Variants in SLC36A4 observed in about 807,000 individuals in gnomAD.
SLC36A4 encodes neutral amino acid uniporter 4.
Under a neutral mutation model 50.5 loss-of-function variants are expected in SLC36A4, and 49 were observed. That is an observed-to-expected ratio of 0.97 (90% CI 0.77 to 1.23). The LOEUF (loss-of-function observed/expected upper bound fraction) is 1.23. SLC36A4 is among the 50% of genes most tolerant of loss of function. The probability of loss-of-function intolerance (pLI) is 0.00; values close to 1 mark genes in which losing one functional copy is unlikely to be tolerated. For missense variants in SLC36A4, 611 were observed against 608.4 expected, an observed-to-expected ratio of 1.00 and a Z score of -0.05; for synonymous variants, 207 against 206.5, an observed-to-expected ratio of 1.00 and a Z score of -0.02.
rs1862506603 is a variant in SLC36A4 at position 93,197,904 on chromosome 11, C to T, written c.-72G>A. 10 of 1,436,080 alleles carry T rather than the reference C, an allele frequency of 7.0e-6. No individual in the cohort carries two copies. In the South Asian group the frequency reaches 1.3e-4, roughly 19 times the overall value. The allele number at this position is 1,436,080 out of a possible 1,614,324, so 89.0% of individuals were successfully genotyped here. A position where few individuals can be genotyped will look rare whatever the true frequency, so the allele number is the denominator to read the frequency against. ...GCCGCTGCGTGGCCGGCGTCAGGCC[C>T]AGGCCTACCTCCCCTGCCCGGAGGG... On this transcript the variant is annotated 5_prime_UTR_variant, in exon 1 of 11. Coordinates refer to ENST00000326402, the MANE Select transcript of SLC36A4 (RefSeq NM_152313.4).
intron 1 of SLC36A4, among the ~76,000 whole-genome samples, chr11:93,194,296 TG>T (rs1565243081): frequency 6.6e-6 from 1 of 152,102 alleles, no homozygotes; most frequent in Non-Finnish European, 1.5e-5. Flanking sequence ...AAAAATCACT[TG>T]TATTTTGGCA....
Position 93,197,858 on chromosome 11 carries a change from C to A in SLC36A4, c.-26G>T. 1 of 1,533,424 alleles carries A rather than the reference C, an allele frequency of 6.5e-7. No individual in the cohort carries two copies. Among genetic ancestry groups the A allele is most frequent in the South Asian group, 1.2e-5 (1 of 83,948 alleles). 95.0% of individuals were successfully genotyped at this position (1,533,424 alleles called of 1,614,324 possible). The stretch of plus-strand genomic sequence containing the variant: ...CTCTCGCGGGTCTCCAGGACGCCGC[C>A]GCCCGAGTGCTCACTCTCCCGCCGC... On this transcript the variant is annotated 5_prime_UTR_variant, in exon 1 of 11. Transcript: ENST00000326402.
At chr11:93,183,053 A>C (rs1206632678) in intron 3 of SLC36A4, among the ~76,000 whole-genome samples, 159 bp from the exon 4 acceptor site, 1 of 152,224 alleles carries the variant, frequency 6.6e-6, no homozygotes, top group Admixed American at 6.5e-5. Flanking sequence ...TTGATGCAGA[A>C]GGAATTTCGA....
At chr11:93,192,524 G>A (rs1862256212) in intron 1 of SLC36A4, among the ~76,000 whole-genome samples, 3 of 152,220 alleles carry the variant, frequency 2.0e-5, no homozygotes, top group South Asian at 4.1e-4. Context: ...GTAAATTTAC[G>A]TTACACAAAT....
intron 1 of SLC36A4, among the ~76,000 whole-genome samples, chr11:93,190,927 G>GT (rs139262002): frequency 0.021 from 3,123 of 152,246 alleles, 93 homozygotes; most frequent in African/African-American, 0.07. Flanking sequence ...ATGTTTATCT[G>GT]TTAAACTAAG....
chr11:93,187,666 C>G (rs1862047414), intron 1 of SLC36A4, among the ~76,000 whole-genome samples: 1 of 152,202 alleles, frequency 6.6e-6, no homozygotes, highest in South Asian at 2.1e-4. Flanking sequence ...AATCCTAGTT[C>G]AAGAGTGTTC....
At chr11:93,157,667 T>C (rs1590936457) in intron 9 of SLC36A4, among the ~76,000 whole-genome samples, 2 of 152,196 alleles carry the variant, frequency 1.3e-5, no homozygotes, top group African/African-American at 4.8e-5. Flanking sequence ...GGCTCTCAGC[T>C]TGACTGTTAT....
intron 1 of SLC36A4, 117 bp from the exon 2 acceptor site, chr11:93,185,931 T>C: frequency 1.1e-6 from 1 of 884,280 alleles, no homozygotes. Context: ...ACTATTTCCA[T>C]CCTAAGTTAG....
At chr11:93,157,470 C>T (rs534219499) in intron 9 of SLC36A4, among the ~76,000 whole-genome samples, 41 of 152,280 alleles carry the variant, frequency 2.7e-4, no homozygotes, top group Admixed American at 2.3e-3. Context: ...TTCTTCCTAT[C>T]CATGAGCATG....
Position 93,147,057 on chromosome 11 carries a change from A to G in SLC36A4, c.*1480T>C, listed in dbSNP as rs1294849471. On this transcript the variant is annotated 3_prime_UTR_variant, in exon 11 of 11. Transcript: ENST00000326402. ...CAGTGGCACAGTCATAGCTTACCAC[A>G]GCCTGAAACTTTTGTGCTCGAGGGA... 1.3e-5 allele frequency: 2 copies of G among 152,186 alleles called. No homozygotes were observed. The highest frequency in any genetic ancestry group is 4.8e-5 in the African/African-American group (2 of 41,456). The allele number at this position is 152,186 out of a possible 1,614,324, so 9.4% of individuals were successfully genotyped here.
At chr11:93,180,116 T>A in intron 6 of SLC36A4, 3 of 956,042 alleles carry the variant, frequency 3.1e-6, no homozygotes, top group Non-Finnish European at 3.7e-6. Flanking sequence ...GGATAATTAA[T>A]AAATATTATT....
chr11:93,177,902 T>G (rs550153529), intron 6 of SLC36A4, among the ~76,000 whole-genome samples: 1 of 152,332 alleles, frequency 6.6e-6, no homozygotes, highest in African/African-American at 2.4e-5. Context: ...TTCAAAGCTG[T>G]CAGAGAGGAA....
chr11:93,167,880 C>T (rs1237725883), intron 7 of SLC36A4, 64 bp downstream of exon 7: 10 of 1,057,414 alleles, frequency 9.5e-6, no homozygotes, highest in Non-Finnish European at 9.8e-6. Flanking sequence ...TTTACCTCCA[C>T]AGTAAACAAA....
intron 6 of SLC36A4, among the ~76,000 whole-genome samples, chr11:93,175,524 T>A (rs1323122743): frequency 1.3e-5 from 2 of 148,714 alleles, no homozygotes; most frequent in Non-Finnish European, 3.0e-5. Context: ...TTTCTAGTTC[T>A]TTTAATTGTG....
intron 10 of SLC36A4, among the ~76,000 whole-genome samples, chr11:93,151,645 A>G (rs554182950): frequency 8.8e-4 from 134 of 152,238 alleles, no homozygotes; most frequent in African/African-American, 3.1e-3. Flanking sequence ...GGTTTTCTCT[A>G]CAAACTACTA....
In SLC36A4 at chr11:93,180,891, G is replaced by T; in HGVS notation, c.456-10C>A. On this transcript the variant is annotated splice_polypyrimidine_tract_variant and intron_variant, in intron 5 of 10. Coordinates refer to ENST00000326402, the MANE Select transcript of SLC36A4 (RefSeq NM_152313.4). ...AAAGTCAACCACACTCCTGAAAAAAGATATCCACAAATGAGTATCCAGGAG... is the reference window on the plus strand; with the variant it reads ...AAAGTCAACCACACTCCTGAAAAAATATATCCACAAATGAGTATCCAGGAG... 6.3e-7 allele frequency: 1 copy of T among 1,588,484 alleles called. No homozygotes were observed. The highest frequency in any genetic ancestry group is 8.6e-7 in the Non-Finnish European group (1 of 1,157,408).
At chr11:93,189,026 A>G (rs1463694625) in intron 1 of SLC36A4, among the ~76,000 whole-genome samples, 1 of 149,290 alleles carries the variant, frequency 6.7e-6, no homozygotes, top group African/African-American at 2.5e-5. Flanking sequence ...CACCAGTCAT[A>G]TTGGATTAGG....
At chr11:93,177,568 T>C (rs1861536801) in intron 6 of SLC36A4, among the ~76,000 whole-genome samples, 1 of 152,200 alleles carries the variant, frequency 6.6e-6, no homozygotes, top group African/African-American at 2.4e-5. Context: ...ATGTCCTTTC[T>C]GTTCGTTAGT....
chr11:93,182,241 T>TC, intron 4 of SLC36A4: 1 of 759,782 alleles, frequency 1.3e-6, no homozygotes, highest in Non-Finnish European at 1.6e-6. Context: ...CCATTCTCTC[T>TC]TTTTTTTTCC....
Sources: gnomAD v4.1 joint callset for allele counts (sites outside exome capture counted in the v4.1 genomes callset) on GRCh38, gnomAD v4.1.1 for gene constraint, MANE v1.5 for transcripts, NCBI Gene and HGNC (gene_info 2026-07-23, HGNC 2026-07-21) for gene names.